The following PRKCH variants were observed in gnomAD, a reference collection of about 807,000 sequenced individuals.
PRKCH encodes the protein protein kinase C eta type.
In PRKCH, 28 loss-of-function variants were observed where a neutral mutation model predicts 82.5. The observed-to-expected ratio is 0.34, with a 90% CI of 0.25 to 0.47. The LOEUF (loss-of-function observed/expected upper bound fraction) is 0.47, where lower values mean the gene tolerates loss of function less well. Among genes scored for constraint, PRKCH ranks in the 20% least tolerant of loss-of-function variants. The pLI, the probability that PRKCH is intolerant of heterozygous loss-of-function variation, is 1.00. For missense variants in PRKCH, 705 were observed against 881.8 expected (o/e 0.80, Z 2.54); for synonymous variants, 322 against 327.4 (o/e 0.98, Z 0.18).
chr14:61,445,836 C>T (rs1317133556), intron 4 of PRKCH, 110 bp downstream of exon 4: 12 of 1,180,454 alleles, frequency 1.0e-5, no homozygotes, highest in Non-Finnish European at 1.5e-5. Context: ...AAATAACTCT[C>T]TGTAGGTCAA....
At chr14:61,326,524 T>C (rs561780998) in intron 1 of PRKCH, among the ~76,000 whole-genome samples, 12 of 152,358 alleles carry the variant, frequency 7.9e-5, no homozygotes, top group Admixed American at 5.9e-4. Context: ...TTCACAGTTA[T>C]ATACATATGT....
chr14:61,263,737 C>T (rs374030790), intron 1 of PRKCH, among the ~76,000 whole-genome samples: 8 of 152,122 alleles, frequency 5.3e-5, no homozygotes, highest in Middle Eastern at 3.4e-3. Context: ...GGTTGTTATA[C>T]CCCGATAGAG....
At chr14:61,324,596 T>TA (rs2045671218) in intron 1 of PRKCH, among the ~76,000 whole-genome samples, 1 of 152,270 alleles carries the variant, frequency 6.6e-6, no homozygotes, top group South Asian at 2.1e-4. Context: ...CATGCTTTTT[T>TA]AAAAAAGTAT....
chr14:61,254,846 T>A (rs951168052), intron 1 of PRKCH, among the ~76,000 whole-genome samples: 11 of 152,186 alleles, frequency 7.2e-5, no homozygotes, highest in African/African-American at 2.7e-4. Context: ...AGAATCCAAT[T>A]TTTCTGGTGT....
At position 61,188,411 on chromosome 14, in the gene PRKCH, TGGCTCCGGCTCTGGCTCCGGCTCC is replaced by T. The variant is rs1303642759; in HGVS notation, c.-19+752_-19+775del. Among the ~76,000 whole-genome samples, 11 of 150,794 alleles carry T rather than the reference TGGCTCCGGCTCTGGCTCCGGCTCC, an allele frequency of 7.3e-5. No homozygotes were observed. The East Asian group carries it at 2.1e-3, about 29-fold the overall frequency. On this transcript the variant is annotated intron_variant, in intron 1 of 3. Transcript: ENST00000555185. ...CTGGCCCGCGGCTCTCAGGCAGTTC[TGGCTCCGGCTCTGGCTCCGGCTCC>T]GGCTCCGGGTCGGGCTCCCAGGCAG...
intron 1 of PRKCH, among the ~76,000 whole-genome samples, chr14:61,363,174 A>G (rs2046252656): frequency 6.6e-6 from 1 of 152,176 alleles, no homozygotes; most frequent in South Asian, 2.1e-4. Flanking sequence ...AGGACTATAA[A>G]GGGGTAGTTG....
At chr14:61,453,382 G>T in intron 7 of PRKCH, 29 bp downstream of exon 7, 1 of 1,605,722 alleles carries the variant, frequency 6.2e-7, no homozygotes, top group Non-Finnish European at 8.5e-7. Context: ...TCCATGTCTC[G>T]TAATTTAGAA....
intron 10 of PRKCH, among the ~76,000 whole-genome samples, chr14:61,509,013 A>T (rs1887267719): frequency 6.6e-6 from 1 of 151,934 alleles, no homozygotes; most frequent in Non-Finnish European, 1.5e-5. Flanking sequence ...TGTTATTCTG[A>T]TTAATGTTCA....
intron 1 of PRKCH, among the ~76,000 whole-genome samples, chr14:61,220,807 T>A (rs956925759): frequency 2.0e-5 from 3 of 151,844 alleles, no homozygotes; most frequent in African/African-American, 7.3e-5. Context: ...AAGGAAAGGA[T>A]TAAAAGAAAA....
At chr14:61,269,571 T>C (rs2045134345) in intron 1 of PRKCH, among the ~76,000 whole-genome samples, 1 of 152,208 alleles carries the variant, frequency 6.6e-6, no homozygotes, top group Non-Finnish European at 1.5e-5. Context: ...TGCGTCCATG[T>C]GTTCTCATCC....
chr14:61,322,366 G>A lies in PRKCH; in HGVS notation c.265G>A (p.Glu89Lys). Residue 89 changes from glutamate (E) to lysine (K), a missense_variant, in exon 1 of 14, where the codon GAG becomes AAG. Transcript: ENST00000332981. ...GGHLELAVFHETPLGYDHFVA... is the reference protein window; with the variant it reads ...GGHLELAVFHKTPLGYDHFVA... Reference sequence around the variant, plus strand: ...CCACCTCGAGTTGGCCGTCTTCCACGAGACGCCCCTGGGCTACGACCACTT... The same window carrying A: ...CCACCTCGAGTTGGCCGTCTTCCACAAGACGCCCCTGGGCTACGACCACTT... The A allele has an allele frequency of 6.2e-7, 1 of 1,613,290 alleles. No homozygotes were observed. The highest frequency in any genetic ancestry group is 8.5e-7 in the Non-Finnish European group (1 of 1,179,908).
chr14:61,426,578 T>C (rs1883120833), intron 2 of PRKCH, among the ~76,000 whole-genome samples: 1 of 152,228 alleles, frequency 6.6e-6, no homozygotes, highest in African/African-American at 2.4e-5. Context: ...TAATTTTGCC[T>C]GAGGAAAGTC....
chr14:61,289,289 G>C (rs894589241), intron 1 of PRKCH, among the ~76,000 whole-genome samples: 1 of 152,212 alleles, frequency 6.6e-6, no homozygotes, highest in Non-Finnish European at 1.5e-5. Context: ...AGCATGTATA[G>C]GCTGGGCATA....
At chr14:61,545,470 A>G (rs1370806167) in intron 12 of PRKCH, among the ~76,000 whole-genome samples, 1 of 152,230 alleles carries the variant, frequency 6.6e-6, no homozygotes. Context: ...CGTATCCCCA[A>G]GAAACCCCTA....
rs113513662 is a variant in PRKCH at position 61,549,649 on chromosome 14, A to G, written c.1906-36A>G. On this transcript the variant is annotated intron_variant, in intron 13 of 13. Transcript: ENST00000332981. The stretch of plus-strand genomic sequence containing the variant: ...GCAAGATGAGTAAGCCTCAAGCGCA[A>G]AAATCTCACCCTTGTTTCCCTTTTT... 6.3e-4 allele frequency: 1,013 copies of G among 1,604,818 alleles called. 6 individuals are homozygous for G. In the African/African-American group the frequency reaches 0.012, roughly 20 times the overall value.
At chr14:61,221,052 T>A (rs938242060) in intron 1 of PRKCH, among the ~76,000 whole-genome samples, 1 of 152,118 alleles carries the variant, frequency 6.6e-6, no homozygotes, top group Non-Finnish European at 1.5e-5. Flanking sequence ...GGTCATTTTT[T>A]AAAAAAATGA....
Position 61,408,664 on chromosome 14 carries a change from G to A in PRKCH, c.427+17376G>A, listed in dbSNP as rs150720106. Among the ~76,000 whole-genome samples, 27 of 152,334 alleles carry A rather than the reference G, an allele frequency of 1.8e-4. No individual in the cohort carries two copies. In the East Asian group the frequency reaches 4.6e-3, roughly 26 times the overall value. On this transcript the variant is annotated intron_variant, in intron 2 of 13. Coordinates refer to ENST00000332981, the MANE Select transcript of PRKCH (RefSeq NM_006255.5). Reference sequence around the variant, plus strand: ...GCACACAAGCACACACCCACAAAGTGTAGCATTAGGATCTGATGCAGACTA... The same window carrying A: ...GCACACAAGCACACACCCACAAAGTATAGCATTAGGATCTGATGCAGACTA...
chr14:61,326,347 G>A (rs974562512), intron 1 of PRKCH, among the ~76,000 whole-genome samples: 10 of 152,118 alleles, frequency 6.6e-5, no homozygotes, highest in South Asian at 4.1e-4. Flanking sequence ...AAAAAAGTAC[G>A]GTTTCATTTA....
At chr14:61,425,736 A>C (rs981100212) in intron 2 of PRKCH, among the ~76,000 whole-genome samples, 8 of 152,182 alleles carry the variant, frequency 5.3e-5, no homozygotes, top group African/African-American at 1.9e-4. Flanking sequence ...AGATTTGGGA[A>C]GGGCCAGGGC....
Sources: allele counts gnomAD v4.1 joint callset (sites outside exome capture counted in the v4.1 genomes callset), GRCh38; gene constraint gnomAD v4.1.1; transcripts MANE v1.5; gene names NCBI Gene and HGNC (gene_info 2026-07-23, HGNC 2026-07-21).